The following RASSF1 variants were observed in gnomAD, a reference collection of about 807,000 sequenced individuals.
RASSF1 encodes the protein Ras association domain family member 1.
RASSF1 carries 33 observed loss-of-function variants against 34.3 expected under a neutral mutation model. The ratio of observed to expected loss-of-function variants is 0.96; its 90% CI spans 0.73 to 1.29. The LOEUF (loss-of-function observed/expected upper bound fraction) is 1.29, where lower values mean the gene tolerates loss of function less well. RASSF1 is among the 50% of genes most tolerant of loss of function. The pLI is 0.00. For missense variants in RASSF1, 445 were observed against 471.8 expected, an observed-to-expected ratio of 0.94 and a Z score of 0.53; for synonymous variants, 191 against 195.0, an observed-to-expected ratio of 0.98 and a Z score of 0.17.
At position 50,340,733 on chromosome 3, in the gene RASSF1, G is replaced by A. The variant is rs1314095907; in HGVS notation, c.73C>T (p.Arg25Trp). 1.1e-5 allele frequency: 17 copies of A among 1,517,988 alleles called. No individual in the cohort carries two copies. Among genetic ancestry groups the A allele is most frequent in the Non-Finnish European group, 1.4e-5 (16 of 1,142,572 alleles). The allele number at this position is 1,517,988 out of a possible 1,614,324, so 94.0% of individuals were successfully genotyped here. The part of the protein sequence containing the change: ...PAGRAGKGRT[R>W]LERANALRIA... Reference sequence around the variant, plus strand: ...CGCAGCGCGTTGGCACGCTCCAGCCGGGTGCGGCCCTTCCCAGCGCGCCCA... The same window carrying A: ...CGCAGCGCGTTGGCACGCTCCAGCCAGGTGCGGCCCTTCCCAGCGCGCCCA... Residue 25 changes from arginine (R) to tryptophan (W), a missense_variant, in exon 1 of 6, where the codon CGG becomes TGG. Coordinates refer to ENST00000359365, the MANE Select transcript of RASSF1 (RefSeq NM_007182.5).
At position 50,337,403 on chromosome 3, in the gene RASSF1, A is replaced by G. The variant is rs1703190325; in HGVS notation, c.357+502T>C. Reference sequence around the variant, plus strand: ...TCGCGTGCGTGCGTGTACGCGTGTCAGTGTGCGCGTGCGCCCGGGCCAGAG... The same window carrying G: ...TCGCGTGCGTGCGTGTACGCGTGTCGGTGTGCGCGTGCGCCCGGGCCAGAG... On this transcript the variant is annotated intron_variant, in intron 2 of 5. Coordinates refer to ENST00000359365, the MANE Select transcript of RASSF1 (RefSeq NM_007182.5). The G allele has an allele frequency of 3.9e-5, 62 of 1,587,368 alleles. No individual in the cohort carries two copies. The South Asian group carries it at 6.8e-4, about 17-fold the overall frequency.
intron 2 of RASSF1, among the ~76,000 whole-genome samples, chr3:50,333,094 CA>C (rs201713583): frequency 0.011 from 1,576 of 140,852 alleles, 16 homozygotes; most frequent in South Asian, 0.032. Flanking sequence ...AACTCGGTCT[CA>C]AAAAAAAAAA....
intron 2 of RASSF1, among the ~76,000 whole-genome samples, chr3:50,335,331 T>C (rs1703094955): frequency 1.3e-5 from 2 of 148,502 alleles, no homozygotes; most frequent in Admixed American, 6.7e-5. Flanking sequence ...TTTTTTTTTT[T>C]TTTGAGACAG....
intron 1 of RASSF1, chr3:50,338,244 G>A: frequency 7.5e-7 from 1 of 1,329,506 alleles, no homozygotes; most frequent in Non-Finnish European, 9.6e-7. Flanking sequence ...GATCTCTATC[G>A]CCTAGCACAG....
At chr3:50,332,192 G>A (rs750534610) in intron 2 of RASSF1, 38 bp from the exon 3 acceptor site, 20 of 1,582,392 alleles carry the variant, frequency 1.3e-5, no homozygotes, top group Admixed American at 3.3e-5. Context: ...GGCCCTTGAG[G>A]AACCCAGGGC....
chr3:50,336,925 C>G, intron 2 of RASSF1: 1 of 564,058 alleles, frequency 1.8e-6, no homozygotes, highest in Non-Finnish European at 3.1e-6. Context: ...ACAAGCCATA[C>G]AGCTGCTTTT....
Position 50,330,824 on chromosome 3 carries a change from C to A in RASSF1, c.877-97G>T. Reference sequence around the variant, plus strand: ...GACTAGCACCTCATGTTCACACAAGCTAGGACTGGGCTTTCTGATGTCAGG... The same window carrying A: ...GACTAGCACCTCATGTTCACACAAGATAGGACTGGGCTTTCTGATGTCAGG... On this transcript the variant is annotated intron_variant, in intron 5 of 5. Transcript: ENST00000359365. The surrounding 1 kb of genome is among the most constrained non-coding windows in gnomAD (Gnocchi z 4.5). The A allele has an allele frequency of 7.3e-7, 1 of 1,360,838 alleles. No individual in the cohort carries two copies. The highest frequency in any genetic ancestry group is 2.2e-5 in the Admixed American group (1 of 45,608). 84.3% of individuals were successfully genotyped at this position (1,360,838 alleles called of 1,614,324 possible).
chr3:50,337,681 T>C (rs1421204473), intron 2 of RASSF1: 5 of 847,760 alleles, frequency 5.9e-6, no homozygotes, highest in Non-Finnish European at 9.0e-6. Flanking sequence ...GCGCGGAGCC[T>C]GGGTCAGCCT....
intron 2 of RASSF1, among the ~76,000 whole-genome samples, chr3:50,333,962 G>A (rs1266407071): frequency 6.6e-6 from 1 of 152,134 alleles, no homozygotes; most frequent in Non-Finnish European, 1.5e-5. Flanking sequence ...GTTAGAATGC[G>A]AGTGTCACAG....
At chr3:50,338,064 C>T in intron 1 of RASSF1, 53 bp from the exon 2 acceptor site, 1 of 1,540,872 alleles carries the variant, frequency 6.5e-7, no homozygotes, top group African/African-American at 1.4e-5. Context: ...GGGAAATGTC[C>T]CGGAGATTGA....
At chr3:50,340,489 C>T in intron 1 of RASSF1, 67 bp downstream of exon 1, 25 of 1,386,640 alleles carry the variant, frequency 1.8e-5, no homozygotes, top group Non-Finnish European at 2.3e-5. Context: ...GCGACTTGAC[C>T]CGCGGCGACT....
At chr3:50,340,420 G>A (rs1703320284) in intron 1 of RASSF1, 136 bp downstream of exon 1, 1 of 1,222,728 alleles carries the variant, frequency 8.2e-7, no homozygotes, top group East Asian at 3.2e-5. Context: ...ACTCTTCAGC[G>A]ATGGGGCGAA....
intron 2 of RASSF1, chr3:50,337,377 G>A: frequency 6.3e-7 from 1 of 1,598,292 alleles, no homozygotes; most frequent in Non-Finnish European, 8.5e-7. Flanking sequence ...CACCGCCCCG[G>A]TCGCGTGCGT....
rs769398598 is a variant in RASSF1, at chr3:50,332,132, G to A, written c.380C>T (p.Thr127Ile). Residue 127 changes from threonine (T) to isoleucine (I), a missense_variant, in exon 3 of 6, where the codon ACA becomes ATA. Coordinates refer to ENST00000359365, the MANE Select transcript of RASSF1 (RefSeq NM_007182.5). Reference sequence around the variant, plus strand: ...AATCTCAGCTTGAGAAAGGTCAGGTGTCTCCCACTCCACAGGCTCGTCCTG... The same window carrying A: ...AATCTCAGCTTGAGAAAGGTCAGGTATCTCCCACTCCACAGGCTCGTCCTG... ...TNVDEPVEWE[T>I]PDLSQAEIEQ... The A allele has an allele frequency of 6.2e-6, 10 of 1,614,032 alleles. No homozygotes were observed. In the South Asian group the frequency reaches 9.9e-5, roughly 16 times the overall value.
At chr3:50,339,360 CTTTTTTTTTTT>C (rs1017192174) in intron 1 of RASSF1, among the ~76,000 whole-genome samples, 2 of 104,452 alleles carry the variant, frequency 1.9e-5, no homozygotes, top group African/African-American at 4.6e-5. Context: ...CAGCCTTGTT[CTTTTTTTTTTT>C]TTTTTTTTTT....
chr3:50,332,221 C>T, intron 2 of RASSF1, 67 bp from the exon 3 acceptor site: 5 of 1,412,978 alleles, frequency 3.5e-6, no homozygotes, highest in Non-Finnish European at 5.0e-6. Flanking sequence ...AAAATGGCCT[C>T]TGGGGCAGTC....
intron 2 of RASSF1, among the ~76,000 whole-genome samples, chr3:50,334,840 C>T (rs2109342130): frequency 6.6e-6 from 1 of 152,312 alleles, no homozygotes; most frequent in South Asian, 2.1e-4. Flanking sequence ...CCAAAGCTGC[C>T]TGCTGGAAGA....
At chr3:50,334,084 C>T (rs749629446) in intron 2 of RASSF1, among the ~76,000 whole-genome samples, 21 of 152,270 alleles carry the variant, frequency 1.4e-4, no homozygotes, top group Admixed American at 5.2e-4. Flanking sequence ...TCCCTGACTC[C>T]GCCCTGGAGT....
chr3:50,340,827 C>T lies in RASSF1; in HGVS notation c.-22G>A. ...ACATGGCCCGGTTGGGCCCGTGCTT[C>T]GCTGGCTTTGGGCGCTAGCAAGCGC... is the stretch of plus-strand genomic sequence containing the variant. On this transcript the variant is annotated 5_prime_UTR_variant, in exon 1 of 6. Transcript: ENST00000359365. The T allele has an allele frequency of 6.8e-7, 1 of 1,467,516 alleles. No homozygotes were observed. The allele number at this position is 1,467,516 out of a possible 1,614,324, so 90.9% of individuals were successfully genotyped here.
Sources: gnomAD v4.1 joint callset for allele counts (sites outside exome capture counted in the v4.1 genomes callset) on GRCh38, gnomAD v4.1.1 for gene constraint, Gnocchi (gnomAD v3.1) non-coding constraint, MANE v1.5 for transcripts, NCBI Gene and HGNC (gene_info 2026-07-23, HGNC 2026-07-21) for gene names.